FYCO1: variants seen among roughly 807,000 people sequenced by gnomAD.
The protein encoded by FYCO1 is FYVE and coiled-coil domain-containing protein 1.
Under a neutral mutation model 165.1 loss-of-function variants are expected in FYCO1, and 122 were observed. That is an observed-to-expected ratio of 0.74 (90% confidence interval 0.64 to 0.86). The LOEUF (loss-of-function observed/expected upper bound fraction) is 0.86, where lower values mean the gene tolerates loss of function less well. Ranked by LOEUF, FYCO1 falls within the 40% of genes least tolerant of loss-of-function variation. The pLI, the probability that FYCO1 is intolerant of heterozygous loss-of-function variation, is 0.00. For synonymous variants in FYCO1, 648 were observed against 742.5 expected (o/e 0.87, Z 2.07); for missense variants, 1,702 against 1,810.3 (o/e 0.94, Z 1.09).
At position 45,993,497 on chromosome 3, in the gene FYCO1, T is replaced by C. The variant is rs193026490; in HGVS notation, c.-113+2225A>G. On this transcript the variant is annotated intron_variant, in intron 1 of 17. Transcript: ENST00000296137. This position sits in a 1 kb window ranked among gnomAD's most constrained non-coding sequence, Gnocchi z 4.4. The stretch of plus-strand genomic sequence containing the variant: ...CCAATTCCCACCCTATTGATTTATT[T>C]AATTGCTCAGATAGAGGCTCTTATA... Among the ~76,000 whole-genome samples the C allele has an allele frequency of 3.3e-5, 5 of 152,362 alleles. No individual in the cohort carries two copies. The highest frequency in any genetic ancestry group is 2.6e-4 in the Admixed American group (4 of 15,284).
At chr3:45,938,290 G>A in intron 14 of FYCO1, 1 of 1,239,850 alleles carries the variant, frequency 8.1e-7, no homozygotes. Context: ...ATAGGTGGGT[G>A]ATGCAGTCTC....
intron 14 of FYCO1, chr3:45,946,535 C>G: frequency 6.2e-7 from 1 of 1,614,172 alleles, no homozygotes; most frequent in Non-Finnish European, 8.5e-7. Flanking sequence ...TCAATGACAG[C>G]AGCCAGGAGG....
intron 13 of FYCO1, among the ~76,000 whole-genome samples, chr3:45,956,334 T>G (rs9859490): frequency 0.039 from 5,065 of 131,368 alleles, 296 homozygotes; most frequent in African/African-American, 0.14. Context: ...AGACTTAGTC[T>G]CAAAAATAAA....
chr3:45,927,472 C>T (rs1175432079), intron 16 of FYCO1, among the ~76,000 whole-genome samples: 5 of 152,082 alleles, frequency 3.3e-5, no homozygotes, highest in Admixed American at 1.3e-4. Flanking sequence ...GGAGGGAGAG[C>T]GAGCATTGTG....
chr3:45,979,503 C>T (rs1706937738), intron 4 of FYCO1, among the ~76,000 whole-genome samples: 1 of 152,200 alleles, frequency 6.6e-6, no homozygotes, highest in African/African-American at 2.4e-5. Flanking sequence ...AGCATTCTTC[C>T]CCTTGATAAA....
At chr3:45,966,180 C>T (rs988433464) in intron 8 of FYCO1, 97 bp downstream of exon 8, 2 of 1,298,252 alleles carry the variant, frequency 1.5e-6, no homozygotes, top group Middle Eastern at 2.3e-4. Context: ...ATTCTCCAGC[C>T]CTCACCTGCC....
intron 17 of FYCO1, among the ~76,000 whole-genome samples, chr3:45,922,233 T>A (rs1703120259): frequency 6.6e-6 from 1 of 152,242 alleles, no homozygotes; most frequent in African/African-American, 2.4e-5. Context: ...GCTAACTCAG[T>A]TCTGATATCC....
At chr3:45,958,382 G>A (rs1310958778) in intron 13 of FYCO1, 26 bp downstream of exon 13, 10 of 1,600,294 alleles carry the variant, frequency 6.2e-6, no homozygotes, top group Non-Finnish European at 8.5e-6. Flanking sequence ...AGAGAACATA[G>A]TAGGCAGTAG....
chr3:45,921,891 C>A, intron 17 of FYCO1, 51 bp from the exon 18 acceptor site: 1 of 1,224,520 alleles, frequency 8.2e-7, no homozygotes, highest in South Asian at 1.2e-5. Context: ...GCTGAAAGTC[C>A]GAGGGGTGGC....
In FYCO1 at chr3:45,975,286, C is replaced by A; in HGVS notation, c.348G>T (p.Arg116Ser). 1 of 1,614,158 alleles carries A rather than the reference C, an allele frequency of 6.2e-7. No homozygotes were observed. Among genetic ancestry groups the A allele is most frequent in the Non-Finnish European group, 8.5e-7 (1 of 1,180,000 alleles). Residue 116 changes from arginine to serine, a missense_variant, in exon 5 of 18, where the codon AGG becomes AGT. Arg to Ser is a moderately radical substitution (Grantham distance 110). Coordinates refer to ENST00000296137, the MANE Select transcript of FYCO1 (RefSeq NM_024513.4). ...AFIRYSLVHQ[R>S]LADTLQQCFM... ...AGCACTGCTGTAAGGTGTCTGCCAA[C>A]CTCTGGTGCACCAAGGAGTAGCGAA...
rs986167842 is a variant in FYCO1 at position 45,921,470 on chromosome 3, G to C, written c.*295C>G. On this transcript the variant is annotated 3_prime_UTR_variant, in exon 18 of 18. Transcript: ENST00000296137. ...TGTAGCCAACTGTGCTCCCAGGAGA[G>C]GCTGATGGTCTCCTGGGTGTTTAAA... 2.4e-6 allele frequency: 1 copy of C among 411,794 alleles called. No individual in the cohort carries two copies. Among genetic ancestry groups the C allele is most frequent in the Non-Finnish European group, 4.6e-6 (1 of 217,418 alleles). The allele number at this position is 411,794 out of a possible 1,614,324, so 25.5% of individuals were successfully genotyped here. A position where few individuals can be genotyped will look rare whatever the true frequency, so the allele number is the denominator to read the frequency against.
chr3:45,975,939 C>T (rs1706732928), intron 4 of FYCO1, among the ~76,000 whole-genome samples: 1 of 152,212 alleles, frequency 6.6e-6, no homozygotes, highest in Non-Finnish European at 1.5e-5. Context: ...CGTGTAACTG[C>T]CTCATCTGTG....
At chr3:45,988,583 CCA>C (rs1707420306) in intron 1 of FYCO1, among the ~76,000 whole-genome samples, 1 of 152,180 alleles carries the variant, frequency 6.6e-6, no homozygotes, top group Non-Finnish European at 1.5e-5. Flanking sequence ...CCTCATAAAC[CCA>C]CAGTCCTTGT....
intron 3 of FYCO1, among the ~76,000 whole-genome samples, chr3:45,980,980 A>G (rs1345602547): frequency 1.3e-5 from 2 of 152,170 alleles, no homozygotes; most frequent in African/African-American, 4.8e-5. Context: ...TATACCATCA[A>G]TATGTTAAAA....
At chr3:45,995,029 C>T (rs71327003) in intron 1 of FYCO1, among the ~76,000 whole-genome samples, 12,882 of 150,760 alleles carry the variant, frequency 0.085, 976 homozygotes, top group South Asian at 0.33. Flanking sequence ...AAAATAAAAT[C>T]CCGCCATCCT....
intron 12 of FYCO1, 88 bp from the exon 13 acceptor site, chr3:45,958,707 A>G (rs1705509333): frequency 3.9e-6 from 5 of 1,292,384 alleles, no homozygotes; most frequent in Middle Eastern, 2.0e-4. Flanking sequence ...TCTGGATGCC[A>G]TGTGACTCTC....
At chr3:45,928,291 C>T (rs1703420262) in intron 16 of FYCO1, among the ~76,000 whole-genome samples, 1 of 152,172 alleles carries the variant, frequency 6.6e-6, no homozygotes, top group Admixed American at 6.5e-5. Context: ...TCAGCTGATT[C>T]CTCCTCTGAC....
At chr3:45,976,580 A>G (rs1390341864) in intron 4 of FYCO1, among the ~76,000 whole-genome samples, 1 of 152,156 alleles carries the variant, frequency 6.6e-6, no homozygotes, top group Non-Finnish European at 1.5e-5. Flanking sequence ...AAGGTCAGAA[A>G]TATTTACAGT....
chr3:45,964,948 G>A lies in FYCO1; in HGVS notation c.3150+85C>T. The stretch of plus-strand genomic sequence containing the variant: ...GACGGCTTCAGCTTGGGAATCTGGA[G>A]GCATGCAGGGAGCCCTCTTAAATGG... On this transcript the variant is annotated intron_variant, in intron 9 of 17. Coordinates refer to ENST00000296137, the MANE Select transcript of FYCO1 (RefSeq NM_024513.4). The surrounding 1 kb of genome is among the most constrained non-coding windows in gnomAD (Gnocchi z 4.1). 9.5e-7 allele frequency: 1 copy of A among 1,050,250 alleles called. No homozygotes were observed. 65.1% of individuals were successfully genotyped at this position (1,050,250 alleles called of 1,614,324 possible). A position where few individuals can be genotyped will look rare whatever the true frequency, so the allele number is the denominator to read the frequency against.
Sources: allele counts gnomAD v4.1 joint callset (sites outside exome capture counted in the v4.1 genomes callset), GRCh38; gene constraint gnomAD v4.1.1; non-coding constraint Gnocchi (gnomAD v3.1); transcripts MANE v1.5; gene names NCBI Gene and HGNC (gene_info 2026-07-23, HGNC 2026-07-21).